EDARADD: variants seen among roughly 807,000 people sequenced by gnomAD.
EDARADD encodes the protein ectodysplasin-A receptor-associated adapter protein.
A neutral mutation model predicts 25.6 loss-of-function variants in EDARADD; 20 were observed. That is an observed-to-expected ratio of 0.78 (90% confidence interval 0.55 to 1.14). EDARADD has a LOEUF of 1.14. Among genes scored for constraint, EDARADD ranks in the 50% most tolerant of loss-of-function variants. The pLI, the probability that EDARADD is intolerant of heterozygous loss-of-function variation, is 0.00. For missense variants in EDARADD, 225 were observed against 270.1 expected, an observed-to-expected ratio of 0.83 and a Z score of 1.17; for synonymous variants, 86 against 94.4, an observed-to-expected ratio of 0.91 and a Z score of 0.52.
chr1:236,359,274 A>G (rs1202555339), intron 3 of EDARADD, among the ~76,000 whole-genome samples: 1 of 152,238 alleles, frequency 6.6e-6, no homozygotes, highest in Admixed American at 6.5e-5. Context: ...CTATATTAAA[A>G]ATGTAATTCC....
intron 3 of EDARADD, among the ~76,000 whole-genome samples, chr1:236,424,184 A>T (rs1657851573): frequency 8.2e-6 from 1 of 121,234 alleles, no homozygotes; most frequent in Non-Finnish European, 1.7e-5. Context: ...TTTTTGGAAC[A>T]GGACGTTGCT....
At chr1:236,351,512 C>A (rs1223773542) in intron 3 of EDARADD, among the ~76,000 whole-genome samples, 1 of 151,990 alleles carries the variant, frequency 6.6e-6, no homozygotes, top group Non-Finnish European at 1.5e-5. Context: ...GAGATAGAGA[C>A]CATCCTGGCC....
intron 5 of EDARADD, among the ~76,000 whole-genome samples, chr1:236,472,415 C>T (rs1659383186): frequency 6.6e-6 from 1 of 152,184 alleles, no homozygotes; most frequent in Non-Finnish European, 1.5e-5. Flanking sequence ...TAATCGGGAT[C>T]TCCGAGGGTG....
intron 5 of EDARADD, among the ~76,000 whole-genome samples, chr1:236,480,131 A>ATC (rs1195784996): frequency 7.5e-5 from 10 of 132,610 alleles, no homozygotes; most frequent in African/African-American, 2.7e-4. Flanking sequence ...ATATATATAT[A>ATC]TATATCACAT....
intron 3 of EDARADD, among the ~76,000 whole-genome samples, chr1:236,360,881 G>T (rs1045898641): frequency 1.3e-5 from 2 of 151,884 alleles, no homozygotes; most frequent in African/African-American, 4.8e-5. Flanking sequence ...TGAAGGAATT[G>T]GGAAGCCAAA....
At chr1:236,399,176 A>G (rs1667572361) in intron 1 of EDARADD, among the ~76,000 whole-genome samples, 1 of 152,004 alleles carries the variant, frequency 6.6e-6, no homozygotes, top group South Asian at 2.1e-4. Context: ...AGTTAATTGT[A>G]TTTATTTATT....
chr1:236,439,065 G>T (rs112604506), intron 4 of EDARADD, among the ~76,000 whole-genome samples: 1 of 152,110 alleles, frequency 6.6e-6, no homozygotes, highest in Non-Finnish European at 1.5e-5. Context: ...CCATACTTTT[G>T]CCTTTTGCAG....
chr1:236,348,281 T>TA (rs1171576369), exon 1 of EDARADD: 1 of 152,186 alleles, frequency 6.6e-6, no homozygotes, highest in Non-Finnish European at 1.5e-5. Context: ...CGGACGACCG[T>TA]AAGGTAGGGC....
At chr1:236,404,739 GCTGCAGTAAGCGGTGATCA>G (rs1426344061) in intron 1 of EDARADD, among the ~76,000 whole-genome samples, 2 of 151,956 alleles carry the variant, frequency 1.3e-5, no homozygotes, top group Non-Finnish European at 2.9e-5. Flanking sequence ...GGAGGTTGAG[GCTGCAGTAAGCGGTGATCA>G]CATCGCGGCA....
At chr1:236,454,304 T>C (rs1658796039) in intron 4 of EDARADD, among the ~76,000 whole-genome samples, 2 of 152,202 alleles carry the variant, frequency 1.3e-5, no homozygotes, top group Non-Finnish European at 2.9e-5. Flanking sequence ...CGCCTTGGCC[T>C]CCCAAAGTAC....
At position 236,409,160 on chromosome 1, in the gene EDARADD, G is replaced by T. The variant is rs574832083; in HGVS notation, c.62-56G>T. 1.1e-5 allele frequency: 14 copies of T among 1,327,440 alleles called. No individual in the cohort carries two copies. The East Asian group carries it at 3.0e-4, about 29-fold the overall frequency. The allele number at this position is 1,327,440 out of a possible 1,614,324, so 82.2% of individuals were successfully genotyped here. On this transcript the variant is annotated intron_variant, in intron 1 of 5. Transcript: ENST00000334232. ...GAGACAGTTATCAAAGGACTCATTT[G>T]TGGTTTTAAATTAAAGCAAACCCGC... is the stretch of plus-strand genomic sequence containing the variant.
chr1:236,388,329 T>C (rs1667381049), intron 3 of EDARADD, among the ~76,000 whole-genome samples: 1 of 152,248 alleles, frequency 6.6e-6, no homozygotes, highest in Non-Finnish European at 1.5e-5. Context: ...TATCTTGCTA[T>C]ATTGTAAGAC....
intron 2 of EDARADD, among the ~76,000 whole-genome samples, chr1:236,413,212 C>T (rs1311448031): frequency 4.6e-5 from 7 of 152,178 alleles, no homozygotes; most frequent in South Asian, 2.1e-4. Context: ...TTGTGTTCCT[C>T]GGTCTTGGGA....
intron 4 of EDARADD, among the ~76,000 whole-genome samples, chr1:236,467,426 GCACACACA>G (rs376781528): frequency 1.3e-3 from 185 of 139,026 alleles, no homozygotes; most frequent in Non-Finnish European, 2.1e-3. Context: ...ACACACACGC[GCACACACA>G]CACACACACA....
intron 2 of EDARADD, among the ~76,000 whole-genome samples, chr1:236,409,600 C>T (rs1353030006): frequency 2.0e-5 from 3 of 151,960 alleles, no homozygotes; most frequent in Non-Finnish European, 2.9e-5. Flanking sequence ...CTTGCTCTCT[C>T]ACCCAGGCTG....
chr1:236,419,533 G>A (rs1657726649), intron 3 of EDARADD, among the ~76,000 whole-genome samples: 1 of 152,176 alleles, frequency 6.6e-6, no homozygotes, highest in African/African-American at 2.4e-5. Flanking sequence ...ATTACGTTGG[G>A]CTGTGACGAA....
At position 236,484,278 on chromosome 1, in the gene EDARADD, C is replaced by A; in HGVS notation, c.*1629C>A. Reference sequence around the variant, plus strand: ...TGGTTGGTGTGTCATGGTGCCTCATCATTCTGGGGAGACTGAAAATACCTT... The same window carrying A: ...TGGTTGGTGTGTCATGGTGCCTCATAATTCTGGGGAGACTGAAAATACCTT... On this transcript the variant is annotated 3_prime_UTR_variant, in exon 6 of 6. Transcript: ENST00000334232. The surrounding 1 kb of genome is among the most constrained non-coding windows in gnomAD (Gnocchi z 4.1). 2.0e-6 allele frequency: 2 copies of A among 1,005,434 alleles called. No homozygotes were observed. Among genetic ancestry groups the A allele is most frequent in the Non-Finnish European group, 1.6e-6 (1 of 626,048 alleles). The allele number at this position is 1,005,434 out of a possible 1,614,324, so 62.3% of individuals were successfully genotyped here. A position where few individuals can be genotyped will look rare whatever the true frequency, so the allele number is the denominator to read the frequency against.
intron 4 of EDARADD, among the ~76,000 whole-genome samples, chr1:236,465,439 A>G (rs1401647465): frequency 6.6e-6 from 1 of 151,806 alleles, no homozygotes; most frequent in Non-Finnish European, 1.5e-5. Context: ...TGCCCCTCCC[A>G]TTGCCTTTGC....
intron 3 of EDARADD, among the ~76,000 whole-genome samples, chr1:236,385,390 C>CA (rs1220757440): frequency 9.1e-5 from 10 of 109,684 alleles, no homozygotes; most frequent in South Asian, 6.8e-4. Context: ...GCCTGGGCGA[C>CA]AGAGCGAGAC....
Sources: allele counts gnomAD v4.1 joint callset (sites outside exome capture counted in the v4.1 genomes callset), GRCh38; gene constraint gnomAD v4.1.1; non-coding constraint Gnocchi (gnomAD v3.1); transcripts MANE v1.5; gene names NCBI Gene and HGNC (gene_info 2026-07-23, HGNC 2026-07-21).